The following TIAM1 variants were observed in gnomAD, a reference collection of about 807,000 sequenced individuals.
The protein encoded by TIAM1 is rho guanine nucleotide exchange factor TIAM1.
TIAM1 carries 65 observed loss-of-function variants against 163.5 expected under a neutral mutation model. The observed-to-expected ratio is 0.40, with a 90% CI of 0.33 to 0.49. The LOEUF is 0.49. TIAM1 is among the 20% of genes least tolerant of loss of function. The pLI is 0.77. For missense variants in TIAM1, 1,789 were observed against 2,044.7 expected (o/e 0.87, Z 2.41); for synonymous variants, 833 against 810.1 (o/e 1.03, Z -0.48).
At position 31,130,446 on chromosome 21, in the gene TIAM1, T is replaced by G. The variant is rs56339310; in HGVS notation, c.3943-131A>C. On this transcript the variant is annotated intron_variant, in intron 24 of 27. Transcript: ENST00000541036. The stretch of plus-strand genomic sequence containing the variant: ...CGTGCCCAAAGGATCTTCACCCCCA[T>G]GAGCTCCTGTCCATCCAGCAGGAAG... 1.3e-5 allele frequency: 9 copies of G among 675,172 alleles called. No homozygotes were observed. The East Asian group carries it at 2.4e-4, about 18-fold the overall frequency. The allele number at this position is 675,172 out of a possible 1,614,324, so 41.8% of individuals were successfully genotyped here. A position where few individuals can be genotyped will look rare whatever the true frequency, so the allele number is the denominator to read the frequency against.
Position 31,138,808 on chromosome 21 carries a change from T to C in TIAM1, c.3774+2310A>G, listed in dbSNP as rs538304691. 8.5e-5 allele frequency among the ~76,000 whole-genome samples: 13 copies of C among 152,312 alleles called. 2 individuals carry two copies. In the South Asian group the frequency reaches 2.3e-3, roughly 27 times the overall value. Reference sequence around the variant, plus strand: ...TTGAGTAAAACCAACTGCCTTGGAGTAATTGATTCCCACTGGGGGTCTATT... The same window carrying C: ...TTGAGTAAAACCAACTGCCTTGGAGCAATTGATTCCCACTGGGGGTCTATT... On this transcript the variant is annotated intron_variant, in intron 22 of 27. Coordinates refer to ENST00000541036, the MANE Select transcript of TIAM1 (RefSeq NM_001353694.2).
chr21:31,550,527 T>C (rs1368876320), intron 1 of TIAM1, among the ~76,000 whole-genome samples: 1 of 152,050 alleles, frequency 6.6e-6, no homozygotes, highest in Non-Finnish European at 1.5e-5. Context: ...CAGGGTTTCT[T>C]TTGGGGTGAT....
intron 2 of TIAM1, among the ~76,000 whole-genome samples, chr21:31,367,661 A>T (rs2076524840): frequency 6.6e-6 from 1 of 152,168 alleles, no homozygotes; most frequent in Admixed American, 6.5e-5. Context: ...AAGAGCAGAC[A>T]ACCAAGAGAC....
rs572510653 is a variant in TIAM1 at position 31,301,797 on chromosome 21, G to A, written c.-188-24889C>T. Among the ~76,000 whole-genome samples, 13 of 151,468 alleles carry A rather than the reference G, an allele frequency of 8.6e-5. No individual in the cohort carries two copies. In the East Asian group the frequency reaches 1.4e-3, roughly 16 times the overall value. ...AGAGGTTGCAGTGAGCTGAGATTGC[G>A]TCATTGCACTCCAGTCTGGGCAACA... On this transcript the variant is annotated intron_variant, in intron 2 of 27. Transcript: ENST00000541036.
At chr21:31,444,866 C>CACATGCCTGTAATCCCAAGT (rs2044559638) in intron 2 of TIAM1, among the ~76,000 whole-genome samples, 2 of 152,228 alleles carry the variant, frequency 1.3e-5, no homozygotes, top group African/African-American at 4.8e-5. Context: ...TGCATGGTCG[C>CACATGCCTGTAATCCCAAGT]ACATGCCTGT....
At chr21:31,423,484 C>A (rs920844332) in intron 2 of TIAM1, among the ~76,000 whole-genome samples, 7 of 151,922 alleles carry the variant, frequency 4.6e-5, no homozygotes, top group Non-Finnish European at 5.9e-5. Context: ...TTCAGAGAAT[C>A]CACAGTTTCT....
chr21:31,391,703 GACTTACA>G (rs2076968454), intron 2 of TIAM1, among the ~76,000 whole-genome samples: 1 of 152,126 alleles, frequency 6.6e-6, no homozygotes, highest in Admixed American at 6.5e-5. Context: ...TTGTTACCTG[GACTTACA>G]ACTTTTACAT....
intron 1 of TIAM1, among the ~76,000 whole-genome samples, chr21:31,529,934 C>T (rs900390230): frequency 1.2e-4 from 18 of 152,144 alleles, no homozygotes; most frequent in African/African-American, 4.1e-4. Context: ...TTACAGCATT[C>T]TCTTGTTGCC....
At chr21:31,381,656 A>C (rs911078438) in intron 2 of TIAM1, among the ~76,000 whole-genome samples, 3 of 152,108 alleles carry the variant, frequency 2.0e-5, no homozygotes, top group Non-Finnish European at 4.4e-5. Flanking sequence ...CAACAGAGTG[A>C]GACTCTGTCT....
chr21:31,393,034 C>T (rs1294054217), intron 2 of TIAM1, among the ~76,000 whole-genome samples: 1 of 151,472 alleles, frequency 6.6e-6, no homozygotes, highest in Non-Finnish European at 1.5e-5. Context: ...CAGCTCACAG[C>T]AACTTCCCCC....
At chr21:31,410,729 A>G (rs2077342930) in intron 2 of TIAM1, among the ~76,000 whole-genome samples, 1 of 151,862 alleles carries the variant, frequency 6.6e-6, no homozygotes, top group Non-Finnish European at 1.5e-5. Context: ...AGAGAGAAAG[A>G]AAGGGAGGAG....
chr21:31,396,816 T>C (rs186478518), intron 2 of TIAM1, among the ~76,000 whole-genome samples: 7 of 151,800 alleles, frequency 4.6e-5, no homozygotes, highest in East Asian at 3.9e-4. Flanking sequence ...CCGGGCCTGG[T>C]AGCAGATGCC....
intron 2 of TIAM1, among the ~76,000 whole-genome samples, chr21:31,408,875 G>A (rs7282959): frequency 0.057 from 8,701 of 152,096 alleles, 502 homozygotes; most frequent in African/African-American, 0.15. Context: ...CTAATAAATC[G>A]GAAACCTAGA....
intron 4 of TIAM1, among the ~76,000 whole-genome samples, chr21:31,258,503 G>A (rs1367906139): frequency 1.3e-5 from 2 of 152,086 alleles, no homozygotes; most frequent in African/African-American, 4.8e-5. Context: ...TTAAATTTTT[G>A]TTCTTTAACT....
intron 2 of TIAM1, among the ~76,000 whole-genome samples, chr21:31,411,603 A>G (rs1013373132): frequency 6.6e-6 from 1 of 151,528 alleles, no homozygotes; most frequent in South Asian, 2.1e-4. Flanking sequence ...AGCCTCCTCA[A>G]TAGCTGGGAT....
At chr21:31,156,805 T>G (rs2083646458) in intron 16 of TIAM1, among the ~76,000 whole-genome samples, 6 of 152,220 alleles carry the variant, frequency 3.9e-5, no homozygotes. Flanking sequence ...TGTCCCTGTC[T>G]TATCCCAAAC....
At chr21:31,217,414 T>C in intron 9 of TIAM1, 139 bp downstream of exon 9, 1 of 1,181,132 alleles carries the variant, frequency 8.5e-7, no homozygotes, top group Non-Finnish European at 1.2e-6. Context: ...TAAAAGTGTC[T>C]AGCACAGCTA....
chr21:31,232,348 C>A (rs531274908), intron 6 of TIAM1, among the ~76,000 whole-genome samples: 1 of 152,116 alleles, frequency 6.6e-6, no homozygotes, highest in South Asian at 2.1e-4. Context: ...CTCCCACTGT[C>A]TTGTCTAAAT....
At chr21:31,271,165 G>A (rs2073039468) in intron 3 of TIAM1, among the ~76,000 whole-genome samples, 1 of 151,664 alleles carries the variant, frequency 6.6e-6, no homozygotes, top group Non-Finnish European at 1.5e-5. Flanking sequence ...CTTGTTTCCT[G>A]CTGTATCCTC....
Sources: gnomAD v4.1 joint callset for allele counts (sites outside exome capture counted in the v4.1 genomes callset) on GRCh38, gnomAD v4.1.1 for gene constraint, MANE v1.5 for transcripts, NCBI Gene and HGNC (gene_info 2026-07-23, HGNC 2026-07-21) for gene names.